Variants in RASSF3 observed in about 807,000 individuals in gnomAD.
RASSF3 encodes the protein Ras association domain family member 3.
A neutral mutation model predicts 19.9 loss-of-function variants in RASSF3; 19 were observed. The observed-to-expected ratio is 0.96, with a 90% CI of 0.67 to 1.40. The LOEUF (loss-of-function observed/expected upper bound fraction) is 1.40, where lower values mean the gene tolerates loss of function less well. Among genes scored for constraint, RASSF3 ranks in the 40% most tolerant of loss-of-function variants. The pLI is 0.00. For synonymous variants in RASSF3, 110 were observed against 104.2 expected (o/e 1.06, Z -0.34); for missense variants, 306 against 289.8 (o/e 1.06, Z -0.41).
intron 1 of RASSF3, among the ~76,000 whole-genome samples, chr12:64,611,105 G>C (rs1267649779): frequency 6.6e-6 from 1 of 152,172 alleles, no homozygotes; most frequent in African/African-American, 2.4e-5. Flanking sequence ...CTGGGTCGAC[G>C]GTCGGGTTCG....
At chr12:64,659,650 CTAA>C (rs971709225) in intron 1 of RASSF3, among the ~76,000 whole-genome samples, 1 of 151,964 alleles carries the variant, frequency 6.6e-6, no homozygotes, top group African/African-American at 2.4e-5. Context: ...AAATCAAATG[CTAA>C]TAATAATAAT....
chr12:64,625,778 C>T (rs1047730217), intron 1 of RASSF3, among the ~76,000 whole-genome samples: 3 of 152,102 alleles, frequency 2.0e-5, no homozygotes, highest in South Asian at 2.1e-4. Flanking sequence ...GTGACTGTCT[C>T]GGCTCTGAGG....
chr12:64,595,396 C>T (rs1047371222), intron 2 of RASSF3, among the ~76,000 whole-genome samples: 42 of 152,090 alleles, frequency 2.8e-4, no homozygotes, highest in African/African-American at 9.9e-4. Context: ...CAAAACAACT[C>T]TTATACACCA....
intron 2 of RASSF3, among the ~76,000 whole-genome samples, chr12:64,570,469 A>G (rs1310098880): frequency 6.6e-6 from 1 of 152,206 alleles, no homozygotes; most frequent in African/African-American, 2.4e-5. Flanking sequence ...TTTCTGATTT[A>G]TGAATTCTCC....
intron 2 of RASSF3, among the ~76,000 whole-genome samples, chr12:64,574,464 C>T (rs1038786134): frequency 2.6e-5 from 4 of 152,108 alleles, no homozygotes; most frequent in African/African-American, 9.7e-5. Flanking sequence ...TCCTGTTTCA[C>T]ACCTTTTGCT....
At chr12:64,530,958 T>C (rs1186190333), upstream of RASSF3, among the ~76,000 whole-genome samples, 1 of 152,250 alleles carries the variant, frequency 6.6e-6, no homozygotes. Flanking sequence ...TATTCCTATA[T>C]CAGACATGTG....
At chr12:64,543,000 G>A (rs113967110), downstream of RASSF3, among the ~76,000 whole-genome samples, 1 of 144,118 alleles carries the variant, frequency 6.9e-6, no homozygotes. Flanking sequence ...TGGGCTTGGC[G>A]GGGCCCCGCA....
At chr12:64,640,297 C>CT (rs1001000411) in intron 1 of RASSF3, among the ~76,000 whole-genome samples, 5 of 152,062 alleles carry the variant, frequency 3.3e-5, no homozygotes, top group South Asian at 2.1e-4. Context: ...TCCTGTGTCA[C>CT]TTTTTTTTGT....
chr12:64,580,252 T>C (rs1869669750), intron 2 of RASSF3, among the ~76,000 whole-genome samples: 1 of 152,124 alleles, frequency 6.6e-6, no homozygotes, highest in Non-Finnish European at 1.5e-5. Flanking sequence ...TAGTAGATTA[T>C]GAAACCAGTG....
intron 2 of RASSF3, among the ~76,000 whole-genome samples, chr12:64,597,946 C>T (rs1272637701): frequency 6.6e-6 from 1 of 152,092 alleles, no homozygotes; most frequent in Non-Finnish European, 1.5e-5. Context: ...GAGACAGAGT[C>T]TCACTCTGTC....
At chr12:64,594,274 C>T (rs1285691024) in intron 2 of RASSF3, among the ~76,000 whole-genome samples, 2 of 152,026 alleles carry the variant, frequency 1.3e-5, no homozygotes, top group Non-Finnish European at 2.9e-5. Flanking sequence ...GTCAAGGCTG[C>T]AGTGAGCTAT....
intron 1 of RASSF3, chr12:64,622,439 A>AG: frequency 5.8e-6 from 3 of 518,888 alleles, no homozygotes; most frequent in Non-Finnish European, 1.2e-5. Context: ...TACCCACCAA[A>AG]GATAATTTAT....
At chr12:64,580,926 C>T (rs1249345880) in intron 2 of RASSF3, among the ~76,000 whole-genome samples, 1 of 151,924 alleles carries the variant, frequency 6.6e-6, no homozygotes, top group Admixed American at 6.6e-5. Context: ...TAAGTCACAA[C>T]CACACGTACC....
At chr12:64,545,923 G>A (rs537353336), downstream of RASSF3, among the ~76,000 whole-genome samples, 3 of 151,832 alleles carry the variant, frequency 2.0e-5, no homozygotes, top group Admixed American at 2.0e-4. Flanking sequence ...GTGAAACCCC[G>A]TCTCTACTAA....
In RASSF3 at chr12:64,697,082, T is replaced by TA. The variant is rs1868389260; in HGVS notation, c.*2171dup. 6.7e-6 allele frequency: 1 copy of TA among 149,384 alleles called. No homozygotes were observed. The highest frequency in any genetic ancestry group is 1.5e-5 in the Non-Finnish European group (1 of 67,494). The allele number at this position is 149,384 out of a possible 1,614,324, so 9.3% of individuals were successfully genotyped here. A position where few individuals can be genotyped will look rare whatever the true frequency, so the allele number is the denominator to read the frequency against. On this transcript the variant is annotated 3_prime_UTR_variant, in exon 5 of 5. Coordinates refer to ENST00000542104, the MANE Select transcript of RASSF3 (RefSeq NM_178169.4). Reference sequence around the variant, plus strand: ...TGAATTTTTTTTTTTTTTTTTTTTTTACTTGAAGTAGATTGTCTGAATAGG... The same window carrying TA: ...TGAATTTTTTTTTTTTTTTTTTTTTTAACTTGAAGTAGATTGTCTGAATAGG...
At chr12:64,617,703 G>A (rs951830321) in intron 1 of RASSF3, among the ~76,000 whole-genome samples, 1 of 152,132 alleles carries the variant, frequency 6.6e-6, no homozygotes, top group Non-Finnish European at 1.5e-5. Flanking sequence ...GATTACAGGT[G>A]CGTGCCACCA....
intron 1 of RASSF3, among the ~76,000 whole-genome samples, chr12:64,614,685 ATTTCT>A (rs1870491144): frequency 7.2e-6 from 1 of 139,196 alleles, no homozygotes; most frequent in Non-Finnish European, 1.5e-5. Context: ...GTTTCTTAAA[ATTTCT>A]TTTCTTTTCT....
intron 1 of RASSF3, among the ~76,000 whole-genome samples, chr12:64,636,592 G>C (rs144962275): frequency 1.3e-5 from 2 of 151,896 alleles, no homozygotes; most frequent in Non-Finnish European, 2.9e-5. Context: ...GTAGCCGGGC[G>C]CGGTGGCTCA....
intron 1 of RASSF3, among the ~76,000 whole-genome samples, chr12:64,638,590 A>G (rs568245131): frequency 6.6e-6 from 1 of 152,182 alleles, no homozygotes; most frequent in East Asian, 1.9e-4. Context: ...AAAAAAAAAA[A>G]AAAAAAGTAA....
Sources: gnomAD v4.1 joint callset for allele counts (sites outside exome capture counted in the v4.1 genomes callset) on GRCh38, gnomAD v4.1.1 for gene constraint, MANE v1.5 for transcripts, NCBI Gene and HGNC (gene_info 2026-07-23, HGNC 2026-07-21) for gene names.